Variants in ZRANB3 observed in about 807,000 individuals in gnomAD.
The protein encoded by ZRANB3 is zinc finger RANBP2-type containing 3, also known as DNA annealing helicase and endonuclease ZRANB3.
Under a neutral mutation model 133.8 loss-of-function variants are expected in ZRANB3, and 125 were observed. The observed-to-expected ratio is 0.93, with a 90% CI of 0.81 to 1.08. The LOEUF (loss-of-function observed/expected upper bound fraction) is 1.08. Among genes scored for constraint, ZRANB3 ranks in the 50% least tolerant of loss-of-function variants. The probability of loss-of-function intolerance (pLI) is 0.00; values close to 1 mark genes in which losing one functional copy is unlikely to be tolerated. For synonymous variants in ZRANB3, 387 were observed against 432.7 expected (o/e 0.89, Z 1.31); for missense variants, 1,229 against 1,275.5 (o/e 0.96, Z 0.56).
At chr2:135,409,983 T>C (rs113572598) in intron 2 of ZRANB3, among the ~76,000 whole-genome samples, 8,572 of 152,156 alleles carry the variant, frequency 0.056, 469 homozygotes, top group African/African-American at 0.14. Flanking sequence ...AAAGAAATCA[T>C]AGATGACACA....
intron 2 of ZRANB3, among the ~76,000 whole-genome samples, chr2:135,432,657 TAA>T (rs906518678): frequency 2.6e-5 from 4 of 152,208 alleles, no homozygotes; most frequent in Admixed American, 1.3e-4. Flanking sequence ...CTTAACCTTG[TAA>T]ATCAACTATT....
At chr2:135,324,696 C>T (rs993971273) in intron 6 of ZRANB3, among the ~76,000 whole-genome samples, 23 of 152,220 alleles carry the variant, frequency 1.5e-4, no homozygotes, top group Admixed American at 1.2e-3. Context: ...ACAGTCCCAC[C>T]AACAGTGTAA....
chr2:135,377,873 C>A lies in ZRANB3; in HGVS notation c.180+12929G>T, dbSNP rs374450110. ...GAGTTAGCAGGCTGACAAAGGCAGACCTACCCTTAATCTGGTTGGGCACAA... is the reference window on the plus strand; with the variant it reads ...GAGTTAGCAGGCTGACAAAGGCAGAACTACCCTTAATCTGGTTGGGCACAA... On this transcript the variant is annotated intron_variant, in intron 3 of 20. Coordinates refer to ENST00000264159, the MANE Select transcript of ZRANB3 (RefSeq NM_032143.4). Among the ~76,000 whole-genome samples the A allele has an allele frequency of 1.6e-4, 24 of 152,264 alleles. 1 individual carries two copies. Among genetic ancestry groups the A allele is most frequent in the South Asian group, 1.0e-3 (5 of 4,822 alleles).
In ZRANB3 at chr2:135,481,507, G is replaced by A. The variant is rs1374012683; in HGVS notation, c.161+22822C>T. 7.2e-5 allele frequency among the ~76,000 whole-genome samples: 11 copies of A among 152,134 alleles called. No homozygotes were observed. In the East Asian group the frequency reaches 2.1e-3, roughly 29 times the overall value. Reference sequence around the variant, plus strand: ...TTTGTTTGAGTTCATTGTAGATTCTGTATATTAGCCCTTTGTCACATGAGT... The same window carrying A: ...TTTGTTTGAGTTCATTGTAGATTCTATATATTAGCCCTTTGTCACATGAGT... On this transcript the variant is annotated intron_variant, in intron 2 of 20. Coordinates refer to ENST00000264159, the MANE Select transcript of ZRANB3 (RefSeq NM_032143.4).
Position 135,326,565 on chromosome 2 carries a change from A to G in ZRANB3, c.678-11035T>C, listed in dbSNP as rs113560930. 3.0e-3 allele frequency among the ~76,000 whole-genome samples: 451 copies of G among 152,144 alleles called. 2 individuals are homozygous for G. The highest frequency in any genetic ancestry group is 0.01 in the African/African-American group (419 of 41,496). On this transcript the variant is annotated intron_variant, in intron 6 of 20. Transcript: ENST00000264159. ...TGTGCCATGGTGGTTTGCTGCACCT[A>G]TTAACCCATGACTTAGGTATTAAGT...
intron 3 of ZRANB3, among the ~76,000 whole-genome samples, chr2:135,358,670 A>G (rs1685543676): frequency 6.6e-6 from 1 of 152,348 alleles, no homozygotes; most frequent in East Asian, 1.9e-4. Flanking sequence ...TTCTCAAGTC[A>G]AACAGTCTTC....
chr2:135,383,294 A>G (rs1686808961), intron 3 of ZRANB3, among the ~76,000 whole-genome samples: 1 of 152,236 alleles, frequency 6.6e-6, no homozygotes, highest in Admixed American at 6.5e-5. Flanking sequence ...AAGAAGAGCT[A>G]ACTATCCCAA....
intron 12 of ZRANB3, among the ~76,000 whole-genome samples, chr2:135,242,239 G>T (rs931218441): frequency 3.9e-5 from 6 of 151,970 alleles, no homozygotes; most frequent in African/African-American, 1.4e-4. Context: ...GGACATGCAG[G>T]TGGATAAAAT....
rs890538266 is a variant in ZRANB3 at position 135,291,573 on chromosome 2, TTTTTA to T, written c.967-15823_967-15819del. Among the ~76,000 whole-genome samples, 382 of 151,808 alleles carry T rather than the reference TTTTTA, an allele frequency of 2.5e-3. 1 individual carries two copies. The highest frequency in any genetic ancestry group is 8.3e-3 in the African/African-American group (344 of 41,514). On this transcript the variant is annotated intron_variant, in intron 8 of 20. Coordinates refer to ENST00000264159, the MANE Select transcript of ZRANB3 (RefSeq NM_032143.4). ...TTTTAAAAATTCTTTTTATTTTTTA[TTTTTA>T]TTTTATTTTATTTTTTTAATTTTAT...
At chr2:135,502,192 A>G (rs1692981001) in intron 2 of ZRANB3, among the ~76,000 whole-genome samples, 1 of 152,178 alleles carries the variant, frequency 6.6e-6, no homozygotes, top group African/African-American at 2.4e-5. Context: ...GCCAAAAAAC[A>G]TAATAAAAAA....
chr2:135,528,141 CT>C (rs527625438), intron 1 of ZRANB3, among the ~76,000 whole-genome samples: 426 of 141,838 alleles, frequency 3.0e-3, no homozygotes, highest in African/African-American at 5.0e-3. Flanking sequence ...CCTTAAAGCT[CT>C]TTTTTTTTTT....
At chr2:135,445,508 T>C (rs763958145) in intron 2 of ZRANB3, among the ~76,000 whole-genome samples, 2 of 152,048 alleles carry the variant, frequency 1.3e-5, no homozygotes, top group South Asian at 4.1e-4. Flanking sequence ...CAATAGAGAA[T>C]GGATTGAGTG....
intron 12 of ZRANB3, among the ~76,000 whole-genome samples, chr2:135,240,498 A>G (rs572938453): frequency 2.4e-4 from 37 of 152,304 alleles, no homozygotes; most frequent in Middle Eastern, 3.4e-3. Context: ...ATAGAGGTAA[A>G]CTTTCTGTCC....
At chr2:135,421,626 A>C (rs897504125) in intron 2 of ZRANB3, among the ~76,000 whole-genome samples, 2 of 151,894 alleles carry the variant, frequency 1.3e-5, no homozygotes, top group Non-Finnish European at 2.9e-5. Context: ...CTATTTTTAA[A>C]CTTTTCTTTG....
Position 135,207,477 on chromosome 2 carries a change from T to G in ZRANB3, c.2966A>C (p.Asn989Thr). The change falls in exon 19 of 21, where the codon AAT (asparagine) becomes ACT (threonine). Residue 989 changes from asparagine (N) to threonine (T), a missense_variant. Asn to Thr is a moderately conservative substitution (Grantham distance 65). Transcript: ENST00000264159. ...LRDAPKSQRK[N>T]LLYATWTSKL... ...TGAAGTCCAGGTAGCATACAGAAGA[T>G]TCTTCCTCTGACTTTTAGGGGCATC... The G allele has an allele frequency of 6.2e-7, 1 of 1,613,898 alleles. No homozygotes were observed. Among genetic ancestry groups the G allele is most frequent in the South Asian group, 1.1e-5 (1 of 91,038 alleles).
At chr2:135,500,102 C>A (rs1559040246) in intron 2 of ZRANB3, among the ~76,000 whole-genome samples, 1 of 152,130 alleles carries the variant, frequency 6.6e-6, no homozygotes, top group Non-Finnish European at 1.5e-5. Flanking sequence ...AGGAACAAAC[C>A]CTGCCCACAC....
chr2:135,339,821 C>G (rs1273508854), intron 6 of ZRANB3, among the ~76,000 whole-genome samples: 2 of 152,172 alleles, frequency 1.3e-5, no homozygotes, highest in Non-Finnish European at 2.9e-5. Flanking sequence ...ATTTTTTGCA[C>G]ATCTTTCTCA....
chr2:135,200,570 G>A (rs1286575278), intron 20 of ZRANB3, 130 bp from the exon 21 acceptor site: 3 of 735,392 alleles, frequency 4.1e-6, no homozygotes, highest in African/African-American at 1.8e-5. Flanking sequence ...GGTTGGCTAT[G>A]GAAGAGTTAC....
At chr2:135,217,132 T>A (rs1396926633) in intron 17 of ZRANB3, among the ~76,000 whole-genome samples, 2 of 152,194 alleles carry the variant, frequency 1.3e-5, no homozygotes, top group African/African-American at 4.8e-5. Context: ...CATGCTCTGA[T>A]GTTCTAAGAG....
Sources: gnomAD v4.1 joint callset for allele counts (sites outside exome capture counted in the v4.1 genomes callset) on GRCh38, gnomAD v4.1.1 for gene constraint, MANE v1.5 for transcripts, NCBI Gene and HGNC (gene_info 2026-07-23, HGNC 2026-07-21) for gene names.